Variants in CNTNAP2 observed in about 807,000 individuals in gnomAD.
CNTNAP2 encodes the protein contactin-associated protein-like 2.
A neutral mutation model predicts 155.2 loss-of-function variants in CNTNAP2; 98 were observed. That is an observed-to-expected ratio of 0.63 (90% CI 0.54 to 0.75). The LOEUF (loss-of-function observed/expected upper bound fraction) is 0.75. Ranked by LOEUF, CNTNAP2 falls within the 30% of genes least tolerant of loss-of-function variation. CNTNAP2 has a pLI of 0.00. For missense variants in CNTNAP2, 1,727 were observed against 1,688.1 expected (o/e 1.02, Z -0.40); for synonymous variants, 651 against 631.2 (o/e 1.03, Z -0.47).
chr7:147,721,589 A>G (rs1796567770), intron 13 of CNTNAP2, among the ~76,000 whole-genome samples: 1 of 152,004 alleles, frequency 6.6e-6, no homozygotes. Flanking sequence ...ATTCCATTAA[A>G]ATTTACCTTA....
At chr7:148,275,552 T>A (rs1269186982) in intron 21 of CNTNAP2, among the ~76,000 whole-genome samples, 3 of 152,214 alleles carry the variant, frequency 2.0e-5, no homozygotes, top group Non-Finnish European at 2.9e-5. Context: ...GGGTGGTTGT[T>A]CTGCTTCATG....
At chr7:147,572,867 T>C (rs1410896210) in intron 12 of CNTNAP2, among the ~76,000 whole-genome samples, 7 of 152,198 alleles carry the variant, frequency 4.6e-5, no homozygotes. Flanking sequence ...AATAACTGTT[T>C]CTGTTTCTCC....
At chr7:146,995,155 A>G (rs1187504450) in intron 3 of CNTNAP2, among the ~76,000 whole-genome samples, 1 of 152,068 alleles carries the variant, frequency 6.6e-6, no homozygotes, top group Non-Finnish European at 1.5e-5. Flanking sequence ...GATTTGTGAT[A>G]AATGACACGA....
chr7:148,164,611 C>CTTTTTT (rs1175888434), intron 17 of CNTNAP2, among the ~76,000 whole-genome samples: 1 of 93,488 alleles, frequency 1.1e-5, no homozygotes, highest in Non-Finnish European at 1.9e-5. Flanking sequence ...TTTTCTCTCT[C>CTTTTTT]TTTTTTTTTT....
chr7:148,311,549 A>G (rs998100002), intron 21 of CNTNAP2, among the ~76,000 whole-genome samples: 2 of 152,184 alleles, frequency 1.3e-5, no homozygotes, highest in Non-Finnish European at 2.9e-5. Context: ...TATCCACTCT[A>G]AGAGGGAGTT....
chr7:148,001,922 C>T (rs1050935877), intron 15 of CNTNAP2, among the ~76,000 whole-genome samples: 2 of 152,202 alleles, frequency 1.3e-5, no homozygotes, highest in African/African-American at 2.4e-5. Context: ...TCAATTCATG[C>T]TCACCTTATA....
intron 8 of CNTNAP2, among the ~76,000 whole-genome samples, chr7:147,296,807 T>C (rs920563544): frequency 2.0e-5 from 3 of 152,110 alleles, no homozygotes; most frequent in Non-Finnish European, 4.4e-5. Flanking sequence ...AATAAGGAGA[T>C]TGTTACTATG....
At chr7:146,950,389 G>C (rs371434418) in intron 3 of CNTNAP2, among the ~76,000 whole-genome samples, 1 of 152,134 alleles carries the variant, frequency 6.6e-6, no homozygotes, top group East Asian at 1.9e-4. Context: ...GTGGTTTGCT[G>C]CACCCATTAA....
chr7:146,280,104 G>T (rs1800226950), intron 1 of CNTNAP2, among the ~76,000 whole-genome samples: 1 of 152,134 alleles, frequency 6.6e-6, no homozygotes, highest in Middle Eastern at 3.2e-3. Context: ...ATGTGTGTGT[G>T]AATGTTTGTG....
chr7:148,247,104 A>G (rs1039428240), intron 20 of CNTNAP2, among the ~76,000 whole-genome samples: 9 of 152,234 alleles, frequency 5.9e-5, no homozygotes, highest in African/African-American at 2.2e-4. Flanking sequence ...CTTAAAAACT[A>G]TAATACAAAC....
chr7:146,208,272 C>T (rs996756190), intron 1 of CNTNAP2, among the ~76,000 whole-genome samples: 4 of 151,556 alleles, frequency 2.6e-5, no homozygotes, highest in African/African-American at 9.7e-5. Context: ...TATCTATTTC[C>T]CAAGGTTTAA....
chr7:147,595,769 G>A (rs1486951788), intron 12 of CNTNAP2, among the ~76,000 whole-genome samples: 1 of 152,060 alleles, frequency 6.6e-6, no homozygotes, highest in Non-Finnish European at 1.5e-5. Context: ...CTCAGAAATC[G>A]TAGTTGCTGA....
intron 1 of CNTNAP2, among the ~76,000 whole-genome samples, chr7:146,251,697 G>A (rs1210317077): frequency 6.6e-6 from 1 of 152,014 alleles, no homozygotes; most frequent in Non-Finnish European, 1.5e-5. Flanking sequence ...AGGCTATAGG[G>A]GCCACATTTT....
chr7:146,121,700 G>C (rs1268328508), intron 1 of CNTNAP2, among the ~76,000 whole-genome samples: 1 of 152,254 alleles, frequency 6.6e-6, no homozygotes, highest in East Asian at 1.9e-4. Flanking sequence ...ATTTATATCT[G>C]TACCAGTATC....
intron 1 of CNTNAP2, among the ~76,000 whole-genome samples, chr7:146,224,476 G>A (rs146199788): frequency 0.014 from 2,101 of 151,186 alleles, 54 homozygotes; most frequent in African/African-American, 0.048. Context: ...GGCCGGGCGC[G>A]ATGGCTTACA....
chr7:146,963,780 T>C (rs1382532483), intron 3 of CNTNAP2, among the ~76,000 whole-genome samples: 1 of 152,208 alleles, frequency 6.6e-6, no homozygotes, highest in East Asian at 1.9e-4. Flanking sequence ...ACTAAGCAAT[T>C]AAAGCATTGC....
At chr7:147,093,410 C>G (rs1800457669) in intron 4 of CNTNAP2, among the ~76,000 whole-genome samples, 1 of 151,964 alleles carries the variant, frequency 6.6e-6, no homozygotes, top group East Asian at 1.9e-4. Flanking sequence ...TGAAATGGTT[C>G]TCTACTTTCT....
chr7:146,268,335 C>T lies in CNTNAP2; in HGVS notation c.97+151362C>T, dbSNP rs150569541. On this transcript the variant is annotated intron_variant, in intron 1 of 23. Coordinates refer to ENST00000361727, the MANE Select transcript of CNTNAP2 (RefSeq NM_014141.6). ...CCTCTATTGAAACCCTGACCCTCCA[C>T]GCAGAAATCTTTAGAACCACAGTTT... is the stretch of plus-strand genomic sequence containing the variant. Among the ~76,000 whole-genome samples, 678 of 152,306 alleles carry T rather than the reference C, an allele frequency of 4.5e-3. 4 individuals are homozygous for T. The highest frequency in any genetic ancestry group is 0.015 in the African/African-American group (643 of 41,550).
chr7:147,097,008 G>A (rs182003130), intron 4 of CNTNAP2, among the ~76,000 whole-genome samples: 33 of 152,212 alleles, frequency 2.2e-4, no homozygotes, highest in African/African-American at 6.3e-4. Flanking sequence ...TTCACCCAAA[G>A]GTATGTGAAA....
Sources: gnomAD v4.1 joint callset for allele counts (sites outside exome capture counted in the v4.1 genomes callset) on GRCh38, gnomAD v4.1.1 for gene constraint, MANE v1.5 for transcripts, NCBI Gene and HGNC (gene_info 2026-07-23, HGNC 2026-07-21) for gene names.